BBS9: variants seen among roughly 807,000 people sequenced by gnomAD.
BBS9 encodes Bardet-Biedl syndrome 9.
A neutral mutation model predicts 117.7 loss-of-function variants in BBS9; 89 were observed. The observed-to-expected ratio is 0.76, with a 90% CI of 0.64 to 0.90. The LOEUF is 0.90. Among genes scored for constraint, BBS9 ranks in the 40% least tolerant of loss-of-function variants. The pLI, the probability that BBS9 is intolerant of heterozygous loss-of-function variation, is 0.00. For synonymous variants in BBS9, 379 were observed against 370.9 expected (o/e 1.02, Z -0.25); for missense variants, 982 against 1,042.2 (o/e 0.94, Z 0.80).
In BBS9 at chr7:33,329,025, ATTTG is replaced by A. The variant is rs1255122243; in HGVS notation, c.1017-7412_1017-7409del. Among the ~76,000 whole-genome samples the A allele has an allele frequency of 3.6e-3, 504 of 141,902 alleles. 2 individuals are homozygous for A. Among genetic ancestry groups the A allele is most frequent in the African/African-American group, 0.011 (426 of 38,260 alleles). 93.1% of individuals were successfully genotyped at this position (141,902 alleles called of 152,430 possible). A position where few individuals can be genotyped will look rare whatever the true frequency, so the allele number is the denominator to read the frequency against. On this transcript the variant is annotated intron_variant, in intron 9 of 22. Transcript: ENST00000242067. The stretch of plus-strand genomic sequence containing the variant: ...TATTTATTTATTTATTTATTTATTT[ATTTG>A]TTTATTTAGAAACGGAGTTTCGCTC...
chr7:33,611,752 T>TATAATATTATATAATATTATTATATA (rs1428832320), intron 21 of BBS9, among the ~76,000 whole-genome samples: 14 of 139,220 alleles, frequency 1.0e-4, no homozygotes, highest in South Asian at 2.2e-4. Flanking sequence ...TATTCCTTTA[T>TATAATATTATATAATATTATTATATA]ATAATATTAT....
intron 19 of BBS9, among the ~76,000 whole-genome samples, chr7:33,411,683 C>T (rs1273170501): frequency 6.6e-6 from 1 of 151,906 alleles, no homozygotes; most frequent in Admixed American, 6.6e-5. Context: ...TACAAATGTT[C>T]AATGTAATAT....
chr7:33,600,350 G>A (rs1437458393), intron 21 of BBS9, among the ~76,000 whole-genome samples: 1 of 151,134 alleles, frequency 6.6e-6, no homozygotes, highest in African/African-American at 2.4e-5. Flanking sequence ...CATTTCTGTT[G>A]CCTTTTACAA....
intron 5 of BBS9, among the ~76,000 whole-genome samples, chr7:33,220,543 A>G (rs1268617429): frequency 3.3e-5 from 5 of 152,266 alleles, no homozygotes; most frequent in Non-Finnish European, 7.3e-5. Flanking sequence ...TAATGTGTGC[A>G]TAAACATAAA....
At chr7:33,536,259 G>T (rs1200699803) in intron 21 of BBS9, among the ~76,000 whole-genome samples, 2 of 152,028 alleles carry the variant, frequency 1.3e-5, no homozygotes, top group Non-Finnish European at 2.9e-5. Flanking sequence ...GCCTTTACTT[G>T]CCGACGACCC....
chr7:33,593,523 A>G (rs1420494845), intron 21 of BBS9, among the ~76,000 whole-genome samples: 1 of 152,106 alleles, frequency 6.6e-6, no homozygotes, highest in African/African-American at 2.4e-5. Flanking sequence ...TGTAATGCAA[A>G]TAAATAGAAG....
At chr7:33,584,650 C>T (rs1168260886) in intron 21 of BBS9, among the ~76,000 whole-genome samples, 2 of 151,944 alleles carry the variant, frequency 1.3e-5, no homozygotes, top group Non-Finnish European at 2.9e-5. Flanking sequence ...ATTTCTGGAT[C>T]AAGTTATCTT....
chr7:33,438,398 G>T (rs1267048686), intron 19 of BBS9, among the ~76,000 whole-genome samples: 1 of 152,108 alleles, frequency 6.6e-6, no homozygotes, highest in African/African-American at 2.4e-5. Flanking sequence ...ATTAAGATAA[G>T]ATATTTTTAA....
intron 1 of BBS9, among the ~76,000 whole-genome samples, chr7:33,145,879 A>G (rs1792260210): frequency 6.6e-6 from 1 of 152,206 alleles, no homozygotes; most frequent in Non-Finnish European, 1.5e-5. Flanking sequence ...CTAGACTGAA[A>G]GGAAGTTAGG....
intron 19 of BBS9, among the ~76,000 whole-genome samples, chr7:33,491,228 T>G (rs1346792633): frequency 1.3e-5 from 2 of 152,200 alleles, no homozygotes; most frequent in Non-Finnish European, 2.9e-5. Context: ...AAAAATACAT[T>G]TAATGAATTC....
intron 7 of BBS9, among the ~76,000 whole-genome samples, chr7:33,264,864 T>C (rs1269413032): frequency 2.6e-5 from 4 of 152,180 alleles, no homozygotes; most frequent in South Asian, 4.1e-4. Context: ...AATTTAGAAA[T>C]GTTTTGGCCA....
intron 5 of BBS9, among the ~76,000 whole-genome samples, chr7:33,188,344 G>T (rs997339709): frequency 6.6e-6 from 1 of 152,216 alleles, no homozygotes; most frequent in South Asian, 2.1e-4. Context: ...CTCTCAAGAA[G>T]ATTACTTTTC....
At chr7:33,611,342 TAGAAC>T (rs1358626405) in intron 21 of BBS9, among the ~76,000 whole-genome samples, 1 of 151,114 alleles carries the variant, frequency 6.6e-6, no homozygotes, top group African/African-American at 2.4e-5. Flanking sequence ...TCTTCTCAGT[TAGAAC>T]AGAGTACTGA....
At chr7:33,300,680 TAAG>T (rs1163394027) in intron 9 of BBS9, among the ~76,000 whole-genome samples, 2 of 151,808 alleles carry the variant, frequency 1.3e-5, no homozygotes, top group Non-Finnish European at 2.9e-5. Context: ...TGTGTGGATA[TAAG>T]AAGGATTCAT....
chr7:33,358,128 T>A lies in BBS9; in HGVS notation c.1693+133T>A, dbSNP rs1819975675. 3 of 1,184,120 alleles carry A rather than the reference T, an allele frequency of 2.5e-6. No homozygotes were observed. The Admixed American group carries it at 5.9e-5, about 23-fold the overall frequency. 73.4% of individuals were successfully genotyped at this position (1,184,120 alleles called of 1,614,324 possible). ...TAAGAGTATAAAAATGCCTCAAGGA[T>A]TTTTCCCTCCTTTGCCTGTTCAAAG... On this transcript the variant is annotated intron_variant, in intron 16 of 22. Transcript: ENST00000242067.
intron 5 of BBS9, among the ~76,000 whole-genome samples, chr7:33,226,102 A>G (rs184061833): frequency 1.3e-5 from 2 of 152,314 alleles, no homozygotes; most frequent in South Asian, 2.1e-4. Flanking sequence ...GAAAAAAGAT[A>G]TAGAGGGGGA....
At chr7:33,278,184 C>T (rs1182994067) in intron 9 of BBS9, among the ~76,000 whole-genome samples, 8 of 152,150 alleles carry the variant, frequency 5.3e-5, no homozygotes, top group African/African-American at 1.7e-4. Context: ...TTCACTTTCG[C>T]CCTTTGAGTT....
intron 21 of BBS9, among the ~76,000 whole-genome samples, chr7:33,614,264 A>T (rs1294133487): frequency 1.3e-5 from 2 of 152,120 alleles, no homozygotes; most frequent in Admixed American, 1.3e-4. Context: ...TAAAAATATC[A>T]GAAGTTAACC....
chr7:33,576,399 A>C (rs1858870421), intron 21 of BBS9, among the ~76,000 whole-genome samples: 1 of 152,218 alleles, frequency 6.6e-6, no homozygotes, highest in Non-Finnish European at 1.5e-5. Flanking sequence ...GCTCAACAAA[A>C]TAAAAGAGGA....
Sources: allele counts gnomAD v4.1 joint callset (sites outside exome capture counted in the v4.1 genomes callset), GRCh38; gene constraint gnomAD v4.1.1; transcripts MANE v1.5; gene names NCBI Gene and HGNC (gene_info 2026-07-23, HGNC 2026-07-21).